Variants in SCN8A observed in about 807,000 individuals in gnomAD.
SCN8A encodes sodium voltage-gated channel alpha subunit 8, also known as sodium channel protein type 8 subunit alpha.
A neutral mutation model predicts 184.1 loss-of-function variants in SCN8A; 30 were observed. The observed-to-expected ratio is 0.16, with a 90% CI of 0.12 to 0.22. SCN8A has a LOEUF of 0.22. SCN8A is among the 10% of genes least tolerant of loss of function. SCN8A has a pLI of 1.00. For missense variants in SCN8A, 1,057 were observed against 2,498.9 expected, an observed-to-expected ratio of 0.42 and a Z score of 12.30; for synonymous variants, 852 against 907.0, an observed-to-expected ratio of 0.94 and a Z score of 1.09.
At chr12:51,696,197 GTCT>G (rs1941589794) in intron 6 of SCN8A, among the ~76,000 whole-genome samples, 1 of 152,148 alleles carries the variant, frequency 6.6e-6, no homozygotes, top group South Asian at 2.1e-4. Context: ...TGTCTGAATC[GTCT>G]GGAGAGATGG....
chr12:51,624,256 C>T (rs1940027291), intron 1 of SCN8A, among the ~76,000 whole-genome samples: 3 of 152,216 alleles, frequency 2.0e-5, no homozygotes, highest in Admixed American at 6.5e-5. Flanking sequence ...TATTTCTCCA[C>T]ATCCTCTCTA....
chr12:51,610,913 CT>C lies in SCN8A; in HGVS notation c.-55+19560del, dbSNP rs1169153594. On this transcript the variant is annotated intron_variant, in intron 1 of 26. Coordinates refer to ENST00000627620, the MANE Select transcript of SCN8A (RefSeq NM_001330260.2). Reference sequence around the variant, plus strand: ...ATATTGTGACTTTTCCATCTTTGTTCTTTTTTCAAAGTTGTTTTGGCCATTT... The same window carrying C: ...ATATTGTGACTTTTCCATCTTTGTTCTTTTTCAAAGTTGTTTTGGCCATTT... 2.0e-5 allele frequency among the ~76,000 whole-genome samples: 3 copies of C among 152,164 alleles called. No individual in the cohort carries two copies. In the East Asian group the frequency reaches 5.8e-4, roughly 29 times the overall value.
intron 6 of SCN8A, among the ~76,000 whole-genome samples, chr12:51,697,230 A>G (rs576117951): frequency 6.6e-6 from 1 of 152,194 alleles, no homozygotes; most frequent in East Asian, 1.9e-4. Flanking sequence ...TTGTGGCCAC[A>G]GTCTCCATGG....
At position 51,746,008 on chromosome 12, in the gene SCN8A, A is replaced by G; in HGVS notation, c.2104A>G (p.Ser702Gly). 1 of 1,610,388 alleles carries G rather than the reference A, an allele frequency of 6.2e-7. No individual in the cohort carries two copies. Among genetic ancestry groups the G allele is most frequent in the Non-Finnish European group, 8.5e-7 (1 of 1,178,310 alleles). ...GAAGGACAGAATCAACAGTATAATG[A>G]GTGTTGTTACAAATACACTAGTAGA... ...GRKDRINSIM[S>G]VVTNTLVEEL... The change falls in exon 13 of 27, where the codon AGT (serine) becomes GGT (glycine). Residue 702 changes from serine to glycine, a missense_variant. Coordinates refer to ENST00000627620, the MANE Select transcript of SCN8A (RefSeq NM_001330260.2).
At chr12:51,714,062 T>A (rs1294421376) in intron 11 of SCN8A, among the ~76,000 whole-genome samples, 1 of 152,168 alleles carries the variant, frequency 6.6e-6, no homozygotes, top group Non-Finnish European at 1.5e-5. Context: ...GGCTTATGCA[T>A]GCATTCAGTT....
chr12:51,764,629 T>C (rs1381081288), intron 15 of SCN8A, among the ~76,000 whole-genome samples: 1 of 152,114 alleles, frequency 6.6e-6, no homozygotes, highest in African/African-American at 2.4e-5. Flanking sequence ...AGTGAGACTC[T>C]GTCTCAAAAA....
At chr12:51,607,665 T>C (rs1939625444) in intron 1 of SCN8A, among the ~76,000 whole-genome samples, 1 of 152,254 alleles carries the variant, frequency 6.6e-6, no homozygotes, top group South Asian at 2.1e-4. Context: ...GAATGCTTTT[T>C]CTGCATCTGT....
chr12:51,772,722 T>A (rs1030332244), intron 19 of SCN8A, among the ~76,000 whole-genome samples: 1 of 151,626 alleles, frequency 6.6e-6, no homozygotes, highest in Non-Finnish European at 1.5e-5. Context: ...AGCTCACACC[T>A]GTAATCCCAG....
At chr12:51,613,193 C>T (rs990304595) in intron 1 of SCN8A, among the ~76,000 whole-genome samples, 2 of 151,930 alleles carry the variant, frequency 1.3e-5, no homozygotes, top group Non-Finnish European at 2.9e-5. Flanking sequence ...AAAATATTTT[C>T]GGAAAAAGAT....
At chr12:51,678,681 A>G (rs984355631) in intron 2 of SCN8A, among the ~76,000 whole-genome samples, 6 of 152,208 alleles carry the variant, frequency 3.9e-5, no homozygotes, top group African/African-American at 1.2e-4. Context: ...CTGAGAGATG[A>G]TCTAGTGGTT....
intron 21 of SCN8A, 70 bp from the exon 22 acceptor site, chr12:51,786,472 T>C: frequency 1.3e-6 from 2 of 1,520,560 alleles, no homozygotes; most frequent in Non-Finnish European, 1.8e-6. Context: ...GTCATTCCCC[T>C]CCTGGAAATC....
chr12:51,754,937 G>A (rs895779469), intron 14 of SCN8A, among the ~76,000 whole-genome samples: 5 of 152,170 alleles, frequency 3.3e-5, no homozygotes, highest in African/African-American at 1.2e-4. Context: ...GGAGGTGTCT[G>A]CCAGGCTTTT....
At position 51,720,491 on chromosome 12, in the gene SCN8A, A is replaced by G. The variant is rs1196725996; in HGVS notation, c.1636-1055A>G. On this transcript the variant is annotated intron_variant, in intron 11 of 26. Coordinates refer to ENST00000627620, the MANE Select transcript of SCN8A (RefSeq NM_001330260.2). ...GAGGGGGGAGGGAGAGCATTAGGAG[A>G]AATAACTAATGTAAATGATGAGTTA... is the stretch of plus-strand genomic sequence containing the variant. Among the ~76,000 whole-genome samples, 4 of 150,828 alleles carry G rather than the reference A, an allele frequency of 2.7e-5. No individual in the cohort carries two copies. In the East Asian group the frequency reaches 7.8e-4, roughly 29 times the overall value.
chr12:51,651,082 A>G (rs1940701994), intron 1 of SCN8A, among the ~76,000 whole-genome samples: 1 of 152,212 alleles, frequency 6.6e-6, no homozygotes, highest in Non-Finnish European at 1.5e-5. Context: ...TGGTTTAAGA[A>G]TGCCTTTAAG....
intron 1 of SCN8A, among the ~76,000 whole-genome samples, chr12:51,592,931 G>C (rs777654389): frequency 1.3e-5 from 2 of 151,920 alleles, no homozygotes; most frequent in Admixed American, 6.6e-5. Flanking sequence ...TGGAGGGGGG[G>C]ATGTTGTGCT....
At chr12:51,593,920 A>C (rs1223631759) in intron 1 of SCN8A, among the ~76,000 whole-genome samples, 1 of 152,246 alleles carries the variant, frequency 6.6e-6, no homozygotes, top group Non-Finnish European at 1.5e-5. Context: ...CATTTCAAAT[A>C]GCAAGCAACT....
chr12:51,781,640 G>A (rs575260750), intron 21 of SCN8A, among the ~76,000 whole-genome samples: 7 of 152,058 alleles, frequency 4.6e-5, no homozygotes, highest in Non-Finnish European at 8.8e-5. Flanking sequence ...GTGCGTGTGC[G>A]TGCGTGCACG....
At chr12:51,795,781 C>T (rs572835554) in intron 26 of SCN8A, among the ~76,000 whole-genome samples, 11 of 151,948 alleles carry the variant, frequency 7.2e-5, no homozygotes, top group South Asian at 2.1e-4. Flanking sequence ...TGCAGTGGCG[C>T]GTGCCTGTAA....
intron 1 of SCN8A, among the ~76,000 whole-genome samples, chr12:51,621,356 G>A (rs565954440): frequency 2.0e-5 from 3 of 152,248 alleles, no homozygotes; most frequent in Non-Finnish European, 2.9e-5. Flanking sequence ...CAGAGTTTAC[G>A]TGGTCAATGT....
Sources: allele counts gnomAD v4.1 joint callset (sites outside exome capture counted in the v4.1 genomes callset), GRCh38; gene constraint gnomAD v4.1.1; transcripts MANE v1.5; gene names NCBI Gene and HGNC (gene_info 2026-07-23, HGNC 2026-07-21).